The following DNAJC6 variants were observed in gnomAD, a reference collection of about 807,000 sequenced individuals.
DNAJC6 encodes DnaJ heat shock protein family (Hsp40) member C6, also known as auxilin.
Under a neutral mutation model 110.0 loss-of-function variants are expected in DNAJC6, and 34 were observed. That is an observed-to-expected ratio of 0.31 (90% CI 0.24 to 0.41). The LOEUF (loss-of-function observed/expected upper bound fraction) is 0.41, where lower values mean the gene tolerates loss of function less well. Among genes scored for constraint, DNAJC6 ranks in the 10% least tolerant of loss-of-function variants. DNAJC6 has a pLI of 1.00. For synonymous variants in DNAJC6, 406 were observed against 437.2 expected, an observed-to-expected ratio of 0.93 and a Z score of 0.89; for missense variants, 1,031 against 1,207.8, an observed-to-expected ratio of 0.85 and a Z score of 2.17.
chr1:65,322,556 G>A (rs1026618077), intron 1 of DNAJC6, among the ~76,000 whole-genome samples: 30 of 152,114 alleles, frequency 2.0e-4, no homozygotes, highest in Admixed American at 1.2e-3. Context: ...TATTGATAGG[G>A]GGTAAATATC....
At chr1:65,276,496 T>A (rs1653676208) in intron 1 of DNAJC6, among the ~76,000 whole-genome samples, 1 of 152,204 alleles carries the variant, frequency 6.6e-6, no homozygotes, top group South Asian at 2.1e-4. Flanking sequence ...TAAGGCTGTT[T>A]TGCAGACTTT....
At chr1:65,292,494 G>A (rs1644889147) in intron 1 of DNAJC6, among the ~76,000 whole-genome samples, 1 of 152,008 alleles carries the variant, frequency 6.6e-6, no homozygotes, top group Non-Finnish European at 1.5e-5. Flanking sequence ...GCAGTGGCAT[G>A]AATGTGGCTC....
intron 17 of DNAJC6, 91 bp from the exon 18 acceptor site, chr1:65,411,159 C>T (rs1646125285): frequency 1.5e-6 from 2 of 1,356,128 alleles, no homozygotes; most frequent in Non-Finnish European, 2.0e-6. Flanking sequence ...TTTGATGTTG[C>T]TGGAGCAGAA....
intron 5 of DNAJC6, among the ~76,000 whole-genome samples, chr1:65,383,085 T>G (rs1344273864): frequency 6.6e-6 from 1 of 152,154 alleles, no homozygotes; most frequent in Non-Finnish European, 1.5e-5. Flanking sequence ...CTCAACATAT[T>G]CAGTATAAGG....
chr1:65,290,475 T>G (rs1644859967), intron 1 of DNAJC6, among the ~76,000 whole-genome samples: 1 of 152,238 alleles, frequency 6.6e-6, no homozygotes, highest in African/African-American at 2.4e-5. Flanking sequence ...AAAGCTTTGT[T>G]TTAGAGTATA....
chr1:65,310,252 G>C (rs1223591661), intron 1 of DNAJC6, among the ~76,000 whole-genome samples: 1 of 151,822 alleles, frequency 6.6e-6, no homozygotes, highest in Non-Finnish European at 1.5e-5. Flanking sequence ...GAAGAGAGGG[G>C]AGCGGGTGGG....
At chr1:65,296,969 TAC>T (rs1644935370) in intron 1 of DNAJC6, among the ~76,000 whole-genome samples, 1 of 152,214 alleles carries the variant, frequency 6.6e-6, no homozygotes, top group Admixed American at 6.5e-5. Context: ...TCATGGAGCT[TAC>T]AGTCTGGTGT....
chr1:65,332,810 G>A (rs1645300503), intron 1 of DNAJC6, among the ~76,000 whole-genome samples: 1 of 152,192 alleles, frequency 6.6e-6, no homozygotes, highest in Non-Finnish European at 1.5e-5. Flanking sequence ...GATATTAGCA[G>A]TGGTTTATAA....
At chr1:65,334,484 G>A (rs1645317167) in intron 1 of DNAJC6, among the ~76,000 whole-genome samples, 1 of 152,214 alleles carries the variant, frequency 6.6e-6, no homozygotes, top group Non-Finnish European at 1.5e-5. Flanking sequence ...GGTGAAGGAG[G>A]AATGCAGGAG....
chr1:65,392,425 C>T lies in DNAJC6; in HGVS notation c.1469-6C>T. 1 of 1,584,962 alleles carries T rather than the reference C, an allele frequency of 6.3e-7. No individual in the cohort carries two copies. The highest frequency in any genetic ancestry group is 8.6e-7 in the Non-Finnish European group (1 of 1,164,776). On this transcript the variant is annotated splice_region_variant and splice_polypyrimidine_tract_variant and intron_variant, in intron 11 of 18. Transcript: ENST00000371069. ...TAATCTCTTATGGTATACTGGCCTT[C>T]CTCAGATCAGAAATCGGAGAAGTCA...
Position 65,309,914 on chromosome 1 carries a change from C to G in DNAJC6, c.169C>G (p.Arg57Gly). 3 of 1,531,034 alleles carry G rather than the reference C, an allele frequency of 2.0e-6. No individual in the cohort carries two copies. The highest frequency in any genetic ancestry group is 2.6e-6 in the Non-Finnish European group (3 of 1,137,252). 94.8% of individuals were successfully genotyped at this position (1,531,034 alleles called of 1,614,324 possible). A position where few individuals can be genotyped will look rare whatever the true frequency, so the allele number is the denominator to read the frequency against. The change falls in exon 1 of 19, where the codon CGC becomes GGC. Residue 57 changes from arginine (R) to glycine (G), a missense_variant. Transcript: ENST00000371069. ...GAGTCCCGCCCGACAGCCTCCGGAC[C>G]GCGCCAGCACCATGGACAGCTCAGG... is the stretch of plus-strand genomic sequence containing the variant. ...ARSPARQPPD[R>G]ASTMDSSGAS...
At chr1:65,376,684 C>T (rs947906368) in intron 4 of DNAJC6, among the ~76,000 whole-genome samples, 2 of 151,376 alleles carry the variant, frequency 1.3e-5, no homozygotes, top group Admixed American at 6.6e-5. Context: ...TTCCAAGTTT[C>T]CTTTTGTTAT....
At chr1:65,267,938 G>T (rs1054672745) in intron 1 of DNAJC6, among the ~76,000 whole-genome samples, 1 of 151,938 alleles carries the variant, frequency 6.6e-6, no homozygotes, top group African/African-American at 2.4e-5. Context: ...ACCAGACCGT[G>T]AGAGCCATTC....
At chr1:65,374,106 T>C (rs1264331794) in intron 4 of DNAJC6, among the ~76,000 whole-genome samples, 1 of 152,234 alleles carries the variant, frequency 6.6e-6, no homozygotes, top group East Asian at 1.9e-4. Context: ...CGTGGACTTA[T>C]ATCTGGGTTC....
At position 65,292,445 on chromosome 1, in the gene DNAJC6, T is replaced by C. The variant is rs1290590848; in HGVS notation, c.-131+27513T>C. Reference sequence around the variant, plus strand: ...AACCACCCCAAACTTTTTTCTTTTTTCCTGAGACAGGGTCTTGGTGTATTG... The same window carrying C: ...AACCACCCCAAACTTTTTTCTTTTTCCCTGAGACAGGGTCTTGGTGTATTG... On this transcript the variant is annotated intron_variant, in intron 1 of 19. Coordinates refer to the DNAJC6 transcript ENST00000263441. Among the ~76,000 whole-genome samples, 5 of 152,094 alleles carry C rather than the reference T, an allele frequency of 3.3e-5. No individual in the cohort carries two copies. The East Asian group carries it at 9.6e-4, about 29-fold the overall frequency.
chr1:65,332,327 G>A (rs758453747), intron 1 of DNAJC6, among the ~76,000 whole-genome samples: 4 of 152,178 alleles, frequency 2.6e-5, no homozygotes, highest in Non-Finnish European at 5.9e-5. Context: ...GGTGAATTGG[G>A]TGGTGGGGCA....
chr1:65,290,229 C>A (rs1013300479), intron 1 of DNAJC6, among the ~76,000 whole-genome samples: 1 of 152,132 alleles, frequency 6.6e-6, no homozygotes, highest in East Asian at 1.9e-4. Flanking sequence ...CTTTTTTGTA[C>A]TGATTTGTAG....
chr1:65,362,872 G>A (rs1231968711), intron 1 of DNAJC6, among the ~76,000 whole-genome samples: 6 of 152,168 alleles, frequency 3.9e-5, no homozygotes, highest in East Asian at 1.9e-4. Flanking sequence ...AAAGATCAGC[G>A]GCTTCTATTA....
At chr1:65,374,523 T>C (rs1645741002) in intron 4 of DNAJC6, among the ~76,000 whole-genome samples, 1 of 152,152 alleles carries the variant, frequency 6.6e-6, no homozygotes, top group African/African-American at 2.4e-5. Context: ...TCCCAGGTAT[T>C]TTATATTTTT....
Sources: gnomAD v4.1 joint callset for allele counts (sites outside exome capture counted in the v4.1 genomes callset) on GRCh38, gnomAD v4.1.1 for gene constraint, MANE v1.5 for transcripts, NCBI Gene and HGNC (gene_info 2026-07-23, HGNC 2026-07-21) for gene names.